Variants in ADAMTS2 observed in about 807,000 individuals in gnomAD.
The protein encoded by ADAMTS2 is ADAM metallopeptidase with thrombospondin type 1 motif 2, also known as A disintegrin and metalloproteinase with thrombospondin motifs 2.
A neutral mutation model predicts 123.0 loss-of-function variants in ADAMTS2; 50 were observed. The ratio of observed to expected loss-of-function variants is 0.41; its 90% CI spans 0.32 to 0.51. The LOEUF (loss-of-function observed/expected upper bound fraction) is 0.51, where lower values mean the gene tolerates loss of function less well. ADAMTS2 is among the 20% of genes least tolerant of loss of function. The pLI, the probability that ADAMTS2 is intolerant of heterozygous loss-of-function variation, is 0.35. For synonymous variants in ADAMTS2, 678 were observed against 695.4 expected (o/e 0.98, Z 0.39); for missense variants, 1,494 against 1,705.2 (o/e 0.88, Z 2.18).
intron 2 of ADAMTS2, among the ~76,000 whole-genome samples, chr5:179,319,419 G>A (rs1354577182): frequency 6.6e-6 from 1 of 151,826 alleles, no homozygotes; most frequent in Non-Finnish European, 1.5e-5. Flanking sequence ...CATGCATCAA[G>A]CACATGCATT....
At chr5:179,243,497 T>G (rs1031676688) in intron 3 of ADAMTS2, among the ~76,000 whole-genome samples, 1 of 152,158 alleles carries the variant, frequency 6.6e-6, no homozygotes, top group Non-Finnish European at 1.5e-5. Flanking sequence ...CTGTGAAGAA[T>G]ACAGACTTTG....
Position 179,202,100 on chromosome 5 carries a change from A to G in ADAMTS2, c.891+5413T>C, listed in dbSNP as rs1184768930. Among the ~76,000 whole-genome samples the G allele has an allele frequency of 1.3e-5, 2 of 152,194 alleles. No individual in the cohort carries two copies. The highest frequency in any genetic ancestry group is 2.9e-5 in the Non-Finnish European group (2 of 68,030). On this transcript the variant is annotated intron_variant, in intron 4 of 21. Transcript: ENST00000251582. The surrounding 1 kb of genome is among the most constrained non-coding windows in gnomAD (Gnocchi z 4.0). ...ACGTCTTGTCTTTAACATAGACAGG[A>G]AGCAGCCCCTCCAGTGATTTCCACT...
intron 4 of ADAMTS2, among the ~76,000 whole-genome samples, chr5:179,186,293 G>A (rs933040766): frequency 1.3e-5 from 2 of 152,198 alleles, no homozygotes; most frequent in Non-Finnish European, 2.9e-5. Context: ...CTGCCCCTGC[G>A]TGTGCTATGG....
At chr5:179,327,925 T>C (rs1438304968) in intron 2 of ADAMTS2, among the ~76,000 whole-genome samples, 1 of 152,074 alleles carries the variant, frequency 6.6e-6, no homozygotes, top group Non-Finnish European at 1.5e-5. Flanking sequence ...AGGAACCAAA[T>C]AATAACAAGG....
At chr5:179,323,217 C>T (rs540476149) in intron 2 of ADAMTS2, among the ~76,000 whole-genome samples, 1 of 152,390 alleles carries the variant, frequency 6.6e-6, no homozygotes, top group Non-Finnish European at 1.5e-5. Flanking sequence ...GGTCCCCCTT[C>T]TGACAGGCCT....
At chr5:179,328,398 G>C (rs1386019097) in intron 2 of ADAMTS2, among the ~76,000 whole-genome samples, 1 of 152,244 alleles carries the variant, frequency 6.6e-6, no homozygotes, top group African/African-American at 2.4e-5. Context: ...TCTAGTAACA[G>C]AGAGACTGCT....
At chr5:179,301,288 T>C (rs1422043291) in intron 2 of ADAMTS2, among the ~76,000 whole-genome samples, 2 of 152,258 alleles carry the variant, frequency 1.3e-5, no homozygotes, top group South Asian at 2.1e-4. Context: ...ATCCCCACTC[T>C]GTCACTTGTG....
chr5:179,211,404 C>A (rs1183908987), intron 3 of ADAMTS2, among the ~76,000 whole-genome samples: 2 of 152,208 alleles, frequency 1.3e-5, no homozygotes, highest in Non-Finnish European at 2.9e-5. Flanking sequence ...GAAGTCATAC[C>A]CAGGTGGGCT....
At chr5:179,157,654 C>T (rs1763502673) in intron 6 of ADAMTS2, among the ~76,000 whole-genome samples, 1 of 151,992 alleles carries the variant, frequency 6.6e-6, no homozygotes, top group African/African-American at 2.4e-5. Context: ...TACAGGCATC[C>T]ACCACCATGC....
chr5:179,245,762 T>G, intron 3 of ADAMTS2, among the ~76,000 whole-genome samples: 2 of 27,668 alleles, frequency 7.2e-5, no homozygotes, highest in Non-Finnish European at 1.0e-4. Flanking sequence ...CGAGACTCCG[T>G]CTCAAAAAAA....
Position 179,158,646 on chromosome 5 carries a change from G to T in ADAMTS2, c.1132+77C>A. On this transcript the variant is annotated intron_variant, in intron 6 of 21. Transcript: ENST00000251582. The surrounding 1 kb of genome is among the most constrained non-coding windows in gnomAD (Gnocchi z 5.0). ...ACACTCTTCCCTGGGCTGGGCCAAGGCTCCCGGGGCCCCTTGCATGGCCAG... is the reference window on the plus strand; with the variant it reads ...ACACTCTTCCCTGGGCTGGGCCAAGTCTCCCGGGGCCCCTTGCATGGCCAG... 6.2e-7 allele frequency: 1 copy of T among 1,603,994 alleles called. No individual in the cohort carries two copies. Among genetic ancestry groups the T allele is most frequent in the South Asian group, 1.1e-5 (1 of 90,702 alleles).
chr5:179,217,706 G>A (rs1765015042), intron 3 of ADAMTS2, among the ~76,000 whole-genome samples: 1 of 88,234 alleles, frequency 1.1e-5, no homozygotes, highest in South Asian at 3.8e-4. Flanking sequence ...CACTCTGCTG[G>A]ACTCTGCTGG....
intron 10 of ADAMTS2, among the ~76,000 whole-genome samples, chr5:179,146,206 T>C (rs1305085661): frequency 9.2e-5 from 14 of 152,178 alleles, no homozygotes; most frequent in Admixed American, 7.9e-4. Context: ...ATTAAAGCTG[T>C]TAGGGAAAAA....
rs2303643 is a variant in ADAMTS2, at chr5:179,126,184, G to A, written c.2618-54C>T. ...GTGGGGCAGCATGCCCTGCCCGAGG[G>A]TGCAAGGAGGGGTGGGCTGCACCAG... On this transcript the variant is annotated intron_variant, in intron 17 of 21. Transcript: ENST00000251582. 0.36 allele frequency: 577,632 copies of A among 1,609,988 alleles called. 111,537 individuals carry two copies. Among genetic ancestry groups the A allele is most frequent in the African/African-American group, 0.75 (56,118 of 74,990 alleles).
intron 3 of ADAMTS2, among the ~76,000 whole-genome samples, chr5:179,212,482 G>A (rs1764880371): frequency 6.9e-6 from 1 of 144,440 alleles, no homozygotes; most frequent in East Asian, 2.1e-4. Context: ...GGCCCTGAGG[G>A]CGGGTGCAGT....
chr5:179,186,755 C>T (rs1214152304), intron 4 of ADAMTS2, among the ~76,000 whole-genome samples: 1 of 152,038 alleles, frequency 6.6e-6, no homozygotes, highest in African/African-American at 2.4e-5. Context: ...TGCACATCCC[C>T]CTCCTCCCCC....
chr5:179,313,127 C>T (rs1163354073), intron 2 of ADAMTS2, among the ~76,000 whole-genome samples: 1 of 152,252 alleles, frequency 6.6e-6, no homozygotes, highest in Non-Finnish European at 1.5e-5. Context: ...AACCCCAGAA[C>T]CAGCCAGCAG....
intron 13 of ADAMTS2, among the ~76,000 whole-genome samples, chr5:179,134,339 G>C (rs900678176): frequency 6.6e-6 from 1 of 152,286 alleles, no homozygotes; most frequent in Admixed American, 6.5e-5. Context: ...CCAGTCTTCA[G>C]TCTATACCCC....
At chr5:179,196,035 G>A (rs1764423769) in intron 4 of ADAMTS2, among the ~76,000 whole-genome samples, 2 of 152,130 alleles carry the variant, frequency 1.3e-5, no homozygotes, top group Non-Finnish European at 1.5e-5. Context: ...TTTCCACCAC[G>A]ACCAGCTGAA....
Sources: gnomAD v4.1 joint callset for allele counts (sites outside exome capture counted in the v4.1 genomes callset) on GRCh38, gnomAD v4.1.1 for gene constraint, Gnocchi (gnomAD v3.1) non-coding constraint, MANE v1.5 for transcripts, NCBI Gene and HGNC (gene_info 2026-07-23, HGNC 2026-07-21) for gene names.